Variants in DESI1 observed in about 807,000 individuals in gnomAD.
DESI1 encodes PPPDE peptidase domain containing 2.
A neutral mutation model predicts 22.4 loss-of-function variants in DESI1; 17 were observed. That is an observed-to-expected ratio of 0.76 (90% CI 0.52 to 1.14). The LOEUF (loss-of-function observed/expected upper bound fraction) is 1.14. Ranked by LOEUF, DESI1 falls within the 50% of genes most tolerant of loss-of-function variation. DESI1 has a pLI of 0.00. For missense variants in DESI1, 177 were observed against 208.9 expected, an observed-to-expected ratio of 0.85 and a Z score of 0.94; for synonymous variants, 92 against 84.2, an observed-to-expected ratio of 1.09 and a Z score of -0.51.
intron 1 of DESI1, among the ~76,000 whole-genome samples, chr22:41,615,469 G>T (rs922849104): frequency 6.6e-6 from 1 of 151,646 alleles, no homozygotes; most frequent in Non-Finnish European, 1.5e-5. Context: ...GCAGGGCCTT[G>T]TAAGCCATAT....
At chr22:41,603,537 T>A (rs988050178) in intron 4 of DESI1, among the ~76,000 whole-genome samples, 156 bp from the exon 5 acceptor site, 2 of 152,258 alleles carry the variant, frequency 1.3e-5, no homozygotes, top group Non-Finnish European at 2.9e-5. Context: ...TATTTGCCAT[T>A]CTGGCCATTA....
Position 41,620,847 on chromosome 22 carries a change from C to G in DESI1, c.-8G>C, listed in dbSNP as rs755228400. On this transcript the variant is annotated 5_prime_UTR_variant, in exon 1 of 6. Transcript: ENST00000263256. ...GAGATTCGGCGGCTCCATTGGGACC[C>G]GTGGCGACGGCGGCCACGACGGCCC... 1.2e-5 allele frequency: 20 copies of G among 1,603,206 alleles called. No individual in the cohort carries two copies. The highest frequency in any genetic ancestry group is 1.6e-5 in the Non-Finnish European group (19 of 1,175,406).
chr22:41,614,334 C>A (rs1280128559), intron 1 of DESI1, among the ~76,000 whole-genome samples: 1 of 152,096 alleles, frequency 6.6e-6, no homozygotes, highest in Non-Finnish European at 1.5e-5. Flanking sequence ...CTGCACCCAG[C>A]CTGTTCATTC....
intron 3 of DESI1, 97 bp from the exon 4 acceptor site, chr22:41,604,250 C>CG (rs2067466236): frequency 4.2e-5 from 12 of 283,880 alleles, no homozygotes; most frequent in African/African-American, 3.2e-4. Context: ...TCTGTTCTGA[C>CG]TTTTTTTTTT....
chr22:41,603,178 G>C (rs2067459027), intron 5 of DESI1, 81 bp downstream of exon 5: 4 of 1,600,154 alleles, frequency 2.5e-6, no homozygotes, highest in Non-Finnish European at 3.4e-6. Flanking sequence ...GGGCAGATGG[G>C]GGCCAGAGGA....
Position 41,621,022 on chromosome 22 carries a change from A to G in DESI1, c.-183T>C. ...GCCCCCACACCCGCTACCGGCAACG[A>G]CTACTGTGAGGTGACAGAGAGGGGA... On this transcript the variant is annotated 5_prime_UTR_variant, in exon 1 of 6. Coordinates refer to ENST00000263256, the MANE Select transcript of DESI1 (RefSeq NM_015704.3). The G allele has an allele frequency of 1.6e-6, 1 of 631,906 alleles. No individual in the cohort carries two copies. Among genetic ancestry groups the G allele is most frequent in the Non-Finnish European group, 2.7e-6 (1 of 368,530 alleles). 39.1% of individuals were successfully genotyped at this position (631,906 alleles called of 1,614,324 possible).
intron 1 of DESI1, among the ~76,000 whole-genome samples, chr22:41,614,031 T>C (rs2067533929): frequency 6.6e-6 from 1 of 152,046 alleles, no homozygotes; most frequent in African/African-American, 2.4e-5. Flanking sequence ...TCCCCTTATT[T>C]ATTCATTCTT....
At chr22:41,618,758 G>C (rs563017990) in intron 1 of DESI1, among the ~76,000 whole-genome samples, 4 of 152,136 alleles carry the variant, frequency 2.6e-5, no homozygotes, top group Admixed American at 6.6e-5. Flanking sequence ...ATTCCAAGAA[G>C]TTTAGTTAAA....
chr22:41,616,525 A>AACACACACAC (rs55785001), intron 1 of DESI1, among the ~76,000 whole-genome samples: 65 of 146,706 alleles, frequency 4.4e-4, no homozygotes, highest in Middle Eastern at 3.5e-3. Flanking sequence ...CCACAATTAA[A>AACACACACAC]ACACACACAC....
rs2067430982 is a variant in DESI1, at chr22:41,598,098, A to G, written c.*2999T>C. 1 of 152,224 alleles carries G rather than the reference A, an allele frequency of 6.6e-6. No homozygotes were observed. The highest frequency in any genetic ancestry group is 2.4e-5 in the African/African-American group (1 of 41,444). The allele number at this position is 152,224 out of a possible 1,614,324, so 9.4% of individuals were successfully genotyped here. ...GAAAACCAGCAAACACCTCCGTACT[A>G]GACAGTTATTAGTTTGACTCAAGGG... On this transcript the variant is annotated 3_prime_UTR_variant, in exon 6 of 6. Transcript: ENST00000263256.
chr22:41,618,306 T>C (rs1378667327), intron 1 of DESI1, among the ~76,000 whole-genome samples: 1 of 148,852 alleles, frequency 6.7e-6, no homozygotes, highest in Non-Finnish European at 1.5e-5. Context: ...GAGGTTGCAG[T>C]GAGCTGAGAT....
At chr22:41,611,882 C>T (rs1299299628) in intron 1 of DESI1, among the ~76,000 whole-genome samples, 3 of 152,068 alleles carry the variant, frequency 2.0e-5, no homozygotes, top group Admixed American at 6.6e-5. Flanking sequence ...TGAGCTACCG[C>T]GCCTGGCCCC....
intron 1 of DESI1, among the ~76,000 whole-genome samples, chr22:41,620,239 T>C (rs2067577705): frequency 6.6e-6 from 1 of 152,104 alleles, no homozygotes; most frequent in Non-Finnish European, 1.5e-5. Flanking sequence ...ATCTCCCCCA[T>C]CCCACCTATC....
intron 1 of DESI1, among the ~76,000 whole-genome samples, chr22:41,609,491 A>G (rs1054740263): frequency 2.6e-5 from 4 of 152,198 alleles, no homozygotes; most frequent in Non-Finnish European, 5.9e-5. Context: ...CTTCCAGAAG[A>G]TAAAAATAAA....
At chr22:41,607,189 A>G in intron 3 of DESI1, 73 bp downstream of exon 3, 12 of 1,408,798 alleles carry the variant, frequency 8.5e-6, no homozygotes, top group Admixed American at 2.5e-5. Context: ...CCATAGTAGA[A>G]GCAAAGCTCC....
chr22:41,606,484 T>C (rs573845916), intron 3 of DESI1, among the ~76,000 whole-genome samples: 2 of 152,200 alleles, frequency 1.3e-5, no homozygotes, highest in East Asian at 1.9e-4. Context: ...ATAGAAATTT[T>C]TGGAAAAGGC....
At chr22:41,606,509 C>T (rs577727792) in intron 3 of DESI1, among the ~76,000 whole-genome samples, 3 of 152,222 alleles carry the variant, frequency 2.0e-5, no homozygotes, top group African/African-American at 7.2e-5. Flanking sequence ...CGCTGTGGCT[C>T]ACGCCTGTAA....
rs2067445255 is a variant in DESI1 at position 41,600,774 on chromosome 22, A to C, written c.*323T>G. The C allele has an allele frequency of 3.7e-6, 1 of 268,942 alleles. No homozygotes were observed. Among genetic ancestry groups the C allele is most frequent in the South Asian group, 3.7e-5 (1 of 26,706 alleles). The allele number at this position is 268,942 out of a possible 1,614,324, so 16.7% of individuals were successfully genotyped here. A position where few individuals can be genotyped will look rare whatever the true frequency, so the allele number is the denominator to read the frequency against. ...AAGAGTTCTAGGTTGGGGCTCCCGC[A>C]AACTGTGACTCGCTTTCTGTTTAAA... On this transcript the variant is annotated 3_prime_UTR_variant, in exon 6 of 6. Coordinates refer to ENST00000263256, the MANE Select transcript of DESI1 (RefSeq NM_015704.3).
At chr22:41,617,256 G>A (rs1468746789) in intron 1 of DESI1, among the ~76,000 whole-genome samples, 2 of 152,108 alleles carry the variant, frequency 1.3e-5, no homozygotes, top group Non-Finnish European at 2.9e-5. Context: ...TGGGACCTGG[G>A]GCAAATTCCT....
Sources: gnomAD v4.1 joint callset for allele counts (sites outside exome capture counted in the v4.1 genomes callset) on GRCh38, gnomAD v4.1.1 for gene constraint, MANE v1.5 for transcripts, NCBI Gene and HGNC (gene_info 2026-07-23, HGNC 2026-07-21) for gene names.